SIL1: variants seen among roughly 807,000 people sequenced by gnomAD.
SIL1 encodes the protein nucleotide exchange factor SIL1.
In SIL1, 40 loss-of-function variants were observed where a neutral mutation model predicts 49.1. The observed-to-expected ratio is 0.81, with a 90% CI of 0.63 to 1.06. SIL1 has a LOEUF of 1.06. Ranked by LOEUF, SIL1 falls within the 50% of genes least tolerant of loss-of-function variation. The pLI, the probability that SIL1 is intolerant of heterozygous loss-of-function variation, is 0.00. For missense variants in SIL1, 500 were observed against 572.6 expected, an observed-to-expected ratio of 0.87 and a Z score of 1.29; for synonymous variants, 253 against 250.8, an observed-to-expected ratio of 1.01 and a Z score of -0.08.
chr5:139,158,559 C>A (rs575027810), intron 1 of SIL1, among the ~76,000 whole-genome samples: 3 of 152,300 alleles, frequency 2.0e-5, no homozygotes, highest in African/African-American at 7.2e-5. Context: ...CTCCCTCCAC[C>A]TGCCTGATCT....
chr5:139,041,818 CAAA>C (rs536666463), intron 5 of SIL1, among the ~76,000 whole-genome samples: 2 of 86,350 alleles, frequency 2.3e-5, no homozygotes, highest in Admixed American at 1.3e-4. Flanking sequence ...AACTCAAAAA[CAAA>C]AAAAAAAAAA....
intron 7 of SIL1, among the ~76,000 whole-genome samples, chr5:138,978,286 A>G (rs1767436943): frequency 6.6e-6 from 1 of 151,528 alleles, no homozygotes; most frequent in South Asian, 2.1e-4. Flanking sequence ...ACAGAGATGG[A>G]ATCATCCAGT....
In SIL1 at chr5:139,123,164, G is replaced by A. The variant is rs34535961; in HGVS notation, c.106-1991C>T. Among the ~76,000 whole-genome samples, 27 of 152,232 alleles carry A rather than the reference G, an allele frequency of 1.8e-4. No individual in the cohort carries two copies. In the South Asian group the frequency reaches 2.7e-3, roughly 15 times the overall value. On this transcript the variant is annotated intron_variant, in intron 2 of 9. Coordinates refer to ENST00000394817, the MANE Select transcript of SIL1 (RefSeq NM_022464.5). ...GGCATCATTCAAGCAGGTCACCTGC[G>A]CAGCCTGGTGCCTCAAACCCCTCCT...
intron 3 of SIL1, among the ~76,000 whole-genome samples, chr5:139,057,442 G>T (rs1452394509): frequency 6.6e-6 from 1 of 152,026 alleles, no homozygotes; most frequent in African/African-American, 2.4e-5. Context: ...GTGCTCTCCA[G>T]TTGACAGGAA....
In SIL1 at chr5:139,071,613, T is replaced by C. The variant is rs986633506; in HGVS notation, c.245-20567A>G. On this transcript the variant is annotated intron_variant, in intron 3 of 9. Transcript: ENST00000394817. ...GGACTTGTACTTCCTAAATTATACA[T>C]TTCTATAATTAGGATTTTTTTATAG... Among the ~76,000 whole-genome samples the C allele has an allele frequency of 2.6e-5, 4 of 152,258 alleles. No individual in the cohort carries two copies. The South Asian group carries it at 8.3e-4, about 32-fold the overall frequency.
intron 7 of SIL1, among the ~76,000 whole-genome samples, chr5:139,014,549 A>G (rs1217866707): frequency 2.0e-5 from 3 of 152,214 alleles, no homozygotes; most frequent in Non-Finnish European, 4.4e-5. Flanking sequence ...TACATCACAA[A>G]GACAAATTCA....
Position 139,026,938 on chromosome 5 carries a change from C to G in SIL1, c.508G>C (p.Asp170His). The change falls in exon 6 of 10, where the codon GAC (aspartate) becomes CAC (histidine). Residue 170 changes from aspartate (D) to histidine (H), a missense_variant. Coordinates refer to ENST00000394817, the MANE Select transcript of SIL1 (RefSeq NM_022464.5). ...LFRPIEELKK[D>H]FDELNVVIET... ...ATGACAACATTCAGCTCATCAAAGT[C>G]TTTCTTCAGTTCCTCAATGGGGCGG... 4.3e-6 allele frequency: 7 copies of G among 1,614,184 alleles called. No homozygotes were observed. Among genetic ancestry groups the G allele is most frequent in the Non-Finnish European group, 5.9e-6 (7 of 1,180,040 alleles).
chr5:138,955,323 T>C (rs1483535862), intron 7 of SIL1, among the ~76,000 whole-genome samples: 1 of 152,176 alleles, frequency 6.6e-6, no homozygotes, highest in Admixed American at 6.5e-5. Context: ...AGCACTTGGA[T>C]TACTGGGATG....
chr5:139,014,822 A>G (rs762460275), intron 7 of SIL1, among the ~76,000 whole-genome samples: 36 of 152,230 alleles, frequency 2.4e-4, no homozygotes, highest in Non-Finnish European at 4.3e-4. Context: ...TCCTGTCACT[A>G]TAAGAGTGTG....
At chr5:139,060,879 C>T (rs1769571338) in intron 3 of SIL1, among the ~76,000 whole-genome samples, 1 of 151,918 alleles carries the variant, frequency 6.6e-6, no homozygotes, top group Non-Finnish European at 1.5e-5. Flanking sequence ...AAGCCTGAGG[C>T]CATGAAGCAC....
At chr5:139,087,375 T>TGA (rs1448505416) in intron 3 of SIL1, among the ~76,000 whole-genome samples, 1 of 151,448 alleles carries the variant, frequency 6.6e-6, no homozygotes, top group Admixed American at 6.6e-5. Context: ...TGGGGAAGAG[T>TGA]GAGGCCACAA....
intron 1 of SIL1, among the ~76,000 whole-genome samples, chr5:139,138,748 T>C (rs1188456100): frequency 6.6e-6 from 1 of 152,212 alleles, no homozygotes; most frequent in Admixed American, 6.5e-5. Context: ...ATAAAGCTTA[T>C]AGCTCTCACT....
chr5:138,979,819 GAGAA>G (rs1293697948), intron 7 of SIL1, among the ~76,000 whole-genome samples: 1 of 152,246 alleles, frequency 6.6e-6, no homozygotes, highest in Non-Finnish European at 1.5e-5. Context: ...TAAAGAGTGA[GAGAA>G]TGCGGTCTTC....
intron 7 of SIL1, among the ~76,000 whole-genome samples, chr5:138,960,781 C>T (rs1279949029): frequency 1.3e-5 from 2 of 152,184 alleles, no homozygotes; most frequent in African/African-American, 4.8e-5. Flanking sequence ...ATTATCATTT[C>T]TCTATCTGAT....
At chr5:139,145,708 C>T (rs1751183675) in intron 1 of SIL1, among the ~76,000 whole-genome samples, 1 of 142,872 alleles carries the variant, frequency 7.0e-6, no homozygotes, top group South Asian at 2.3e-4. Flanking sequence ...TATTCAGCCT[C>T]AAAAAGGAAT....
intron 3 of SIL1, among the ~76,000 whole-genome samples, chr5:139,091,122 TA>T (rs1209049654): frequency 6.6e-6 from 1 of 152,224 alleles, no homozygotes; most frequent in African/African-American, 2.4e-5. Flanking sequence ...TTCCTAATTA[TA>T]AGTTGGTGGC....
rs1197539689 is a variant in SIL1, at chr5:139,121,144, C to T, written c.135G>A (p.Lys45=). 103 of 1,614,182 alleles carry T rather than the reference C, an allele frequency of 6.4e-5. No homozygotes were observed. Among genetic ancestry groups the T allele is most frequent in the Non-Finnish European group, 8.6e-5 (102 of 1,180,022 alleles). ...LKEFALTNPE[K]SSTKETERKE... ...TTCTCTCTGTTTCTTTGGTGCTGCT[C>T]TTCTCTGGGTTGGTCAGGGCAAACT... is the stretch of plus-strand genomic sequence containing the variant. The change falls in exon 3 of 10, where the codon AAG becomes AAA. Residue 45 remains lysine (K), a synonymous_variant. Coordinates refer to ENST00000394817, the MANE Select transcript of SIL1 (RefSeq NM_022464.5).
In SIL1 at chr5:138,951,223, T is replaced by C; in HGVS notation, c.977A>G (p.Glu326Gly). ...TGTGACCACGCGCACGGCGAGCACC[T>C]CCGTGCCCTTCTCCTGCACCAGGGT... is the stretch of plus-strand genomic sequence containing the variant. ...LRTLVQEKGT[E>G]VLAVRVVTLL... is the part of the protein sequence containing the mutation. Residue 326 changes from glutamate to glycine, a missense_variant, in exon 9 of 10, where the codon GAG becomes GGG. Physicochemically the swap from Glu to Gly is moderately conservative, Grantham distance 98. Transcript: ENST00000394817. 6.2e-7 allele frequency: 1 copy of C among 1,607,464 alleles called. No individual in the cohort carries two copies. The highest frequency in any genetic ancestry group is 8.5e-7 in the Non-Finnish European group (1 of 1,176,948).
intron 1 of SIL1, among the ~76,000 whole-genome samples, chr5:139,173,344 G>A (rs1751812963): frequency 6.6e-6 from 1 of 152,012 alleles, no homozygotes; most frequent in Non-Finnish European, 1.5e-5. Flanking sequence ...GAGGTCAGGA[G>A]TTTGAGACCA....
Sources: allele counts gnomAD v4.1 joint callset (sites outside exome capture counted in the v4.1 genomes callset), GRCh38; gene constraint gnomAD v4.1.1; transcripts MANE v1.5; gene names NCBI Gene and HGNC (gene_info 2026-07-23, HGNC 2026-07-21).